The following HPSE2 variants were observed in gnomAD, a reference collection of about 807,000 sequenced individuals.
HPSE2 encodes the protein inactive heparanase-2.
In HPSE2, 38 loss-of-function variants were observed where a neutral mutation model predicts 60.5. The ratio of observed to expected loss-of-function variants is 0.63; its 90% CI spans 0.48 to 0.82. The LOEUF (loss-of-function observed/expected upper bound fraction) is 0.82, where lower values mean the gene tolerates loss of function less well. Ranked by LOEUF, HPSE2 falls within the 40% of genes least tolerant of loss-of-function variation. HPSE2 has a pLI of 0.00. For missense variants in HPSE2, 713 were observed against 740.4 expected, an observed-to-expected ratio of 0.96 and a Z score of 0.43; for synonymous variants, 295 against 293.2, an observed-to-expected ratio of 1.01 and a Z score of -0.06.
At chr10:99,299,040 C>T in the HPSE2 span, among the ~76,000 whole-genome samples, 1 of 152,222 alleles carries the variant, frequency 6.6e-6, no homozygotes, top group African/African-American at 2.4e-5. Context: ...GTCTCTGGCT[C>T]CTGATACTCC....
At chr10:99,234,707 G>A (rs1849780613) in intron 1 of HPSE2, among the ~76,000 whole-genome samples, 1 of 152,030 alleles carries the variant, frequency 6.6e-6, no homozygotes, top group Non-Finnish European at 1.5e-5. Context: ...CTGCTGGTGC[G>A]GAGTTCAGAT....
At chr10:98,907,759 C>T (rs1187135047) in intron 3 of HPSE2, among the ~76,000 whole-genome samples, 2 of 152,142 alleles carry the variant, frequency 1.3e-5, no homozygotes, top group African/African-American at 2.4e-5. Flanking sequence ...TGGATAAAAA[C>T]ACTACTCCTG....
intron 3 of HPSE2, among the ~76,000 whole-genome samples, chr10:98,933,639 G>C (rs1954703758): frequency 7.0e-6 from 1 of 143,800 alleles, no homozygotes; most frequent in Non-Finnish European, 1.5e-5. Flanking sequence ...GGGGGCTCCT[G>C]TATTGGGTGC....
the HPSE2 span, among the ~76,000 whole-genome samples, chr10:99,240,877 A>C: frequency 6.6e-6 from 1 of 152,154 alleles, no homozygotes. Context: ...TAGCTGTCTA[A>C]TAGAAATTTT....
intron 3 of HPSE2, among the ~76,000 whole-genome samples, chr10:98,796,837 T>C (rs1950789901): frequency 6.6e-6 from 1 of 152,194 alleles, no homozygotes; most frequent in Admixed American, 6.5e-5. Context: ...AGAGAGAGAC[T>C]ACATTTGTTT....
At chr10:98,556,881 A>T (rs1417241888) in intron 9 of HPSE2, among the ~76,000 whole-genome samples, 1 of 152,198 alleles carries the variant, frequency 6.6e-6, no homozygotes, top group Admixed American at 6.5e-5. Context: ...AAGTTGGAAG[A>T]GACTTATACC....
rs536314779 is a variant in HPSE2 at position 98,798,543 on chromosome 10, T to G, written c.611-54487A>C. Among the ~76,000 whole-genome samples, 28 of 152,278 alleles carry G rather than the reference T, an allele frequency of 1.8e-4. No homozygotes were observed. The South Asian group carries it at 5.8e-3, about 32-fold the overall frequency. ...AATTTTCAAGACATAGGCAGTACAG[T>G]AAGACATAAAGAGAAACAACAAAAG... On this transcript the variant is annotated intron_variant, in intron 3 of 11. Transcript: ENST00000370552.
chr10:99,244,382 T>TTTATTATTATTA, the HPSE2 span, among the ~76,000 whole-genome samples: 2,890 of 134,082 alleles, frequency 0.022, 44 homozygotes, highest in Non-Finnish European at 0.024. Flanking sequence ...TTTTATTTCT[T>TTTATTATTATTA]TTATTATTAT....
At chr10:98,759,725 A>T (rs532151082) in intron 3 of HPSE2, among the ~76,000 whole-genome samples, 1 of 151,960 alleles carries the variant, frequency 6.6e-6, no homozygotes, top group Non-Finnish European at 1.5e-5. Flanking sequence ...ATCAGAGAGT[A>T]TGATGCCTCC....
intron 3 of HPSE2, among the ~76,000 whole-genome samples, chr10:98,851,653 C>T (rs1040846940): frequency 2.0e-5 from 3 of 152,120 alleles, no homozygotes; most frequent in Non-Finnish European, 2.9e-5. Flanking sequence ...TTCCCTAATC[C>T]AACACATATT....
intron 3 of HPSE2, among the ~76,000 whole-genome samples, chr10:98,814,796 A>G (rs1589871211): frequency 1.3e-5 from 2 of 152,122 alleles, no homozygotes; most frequent in South Asian, 4.1e-4. Flanking sequence ...AACAGCCATT[A>G]TTTGTTGTTT....
At chr10:98,481,621 GTC>G (rs1293830910) in intron 11 of HPSE2, among the ~76,000 whole-genome samples, 32 of 152,306 alleles carry the variant, frequency 2.1e-4, no homozygotes, top group African/African-American at 7.5e-4. Context: ...GGCTAAATAA[GTC>G]ACTCAATAAG....
intron 3 of HPSE2, among the ~76,000 whole-genome samples, chr10:98,971,981 T>C (rs1955966072): frequency 6.6e-6 from 1 of 152,148 alleles, no homozygotes; most frequent in Non-Finnish European, 1.5e-5. Context: ...TCTTTTTATA[T>C]TGTTTATCCC....
chr10:98,620,938 TA>T (rs1946057787), intron 7 of HPSE2, among the ~76,000 whole-genome samples: 1 of 152,160 alleles, frequency 6.6e-6, no homozygotes, highest in Non-Finnish European at 1.5e-5. Context: ...TTTCCCTAAG[TA>T]AACCCAAGTG....
chr10:98,776,967 G>C (rs1395376071), intron 3 of HPSE2, among the ~76,000 whole-genome samples: 2 of 152,158 alleles, frequency 1.3e-5, no homozygotes, highest in Non-Finnish European at 2.9e-5. Context: ...ATAGGTGATA[G>C]AGAGAAAACA....
chr10:98,845,010 T>C (rs1035309184), intron 3 of HPSE2, among the ~76,000 whole-genome samples: 4 of 152,204 alleles, frequency 2.6e-5, no homozygotes, highest in African/African-American at 9.6e-5. Flanking sequence ...AAGATGTTAA[T>C]TTCCTGGCTG....
chr10:98,987,325 T>C (rs1956389272), intron 3 of HPSE2, among the ~76,000 whole-genome samples: 1 of 152,152 alleles, frequency 6.6e-6, no homozygotes, highest in African/African-American at 2.4e-5. Context: ...ATCCCTGGGA[T>C]GCAAGGCTGG....
At chr10:98,747,010 G>C (rs1949645856) in intron 3 of HPSE2, among the ~76,000 whole-genome samples, 1 of 151,846 alleles carries the variant, frequency 6.6e-6, no homozygotes, top group Admixed American at 6.6e-5. Context: ...AATATACTAT[G>C]AGCTTTAGAT....
intron 6 of HPSE2, among the ~76,000 whole-genome samples, chr10:98,682,916 C>T (rs558101388): frequency 6.6e-6 from 1 of 152,224 alleles, no homozygotes; most frequent in South Asian, 2.1e-4. Context: ...CAGTCAGGAC[C>T]ATCAAGCACA....
Sources: gnomAD v4.1 joint callset for allele counts (sites outside exome capture counted in the v4.1 genomes callset) on GRCh38, gnomAD v4.1.1 for gene constraint, MANE v1.5 for transcripts, NCBI Gene and HGNC (gene_info 2026-07-23, HGNC 2026-07-21) for gene names.